The following RSU1 variants were observed in gnomAD, a reference collection of about 807,000 sequenced individuals.
RSU1 encodes rsu-1.
RSU1 carries 26 observed loss-of-function variants against 31.1 expected under a neutral mutation model. That is an observed-to-expected ratio of 0.84 (90% confidence interval 0.61 to 1.16). The LOEUF is 1.16. RSU1 is among the 50% of genes most tolerant of loss of function. The pLI, the probability that RSU1 is intolerant of heterozygous loss-of-function variation, is 0.00. For missense variants in RSU1, 320 were observed against 339.1 expected, an observed-to-expected ratio of 0.94 and a Z score of 0.44; for synonymous variants, 164 against 136.3, an observed-to-expected ratio of 1.20 and a Z score of -1.41.
intron 8 of RSU1, among the ~76,000 whole-genome samples, chr10:16,607,503 T>C (rs370810282): frequency 3.3e-5 from 5 of 152,216 alleles, no homozygotes; most frequent in East Asian, 1.9e-4. Context: ...GCAGGGTGAT[T>C]TGCATTTCCC....
chr10:16,623,025 A>G (rs1411764402), intron 8 of RSU1, among the ~76,000 whole-genome samples: 1 of 152,168 alleles, frequency 6.6e-6, no homozygotes, highest in Admixed American at 6.5e-5. Context: ...GTACATTCTA[A>G]TCTTTTTTTT....
intron 2 of RSU1, among the ~76,000 whole-genome samples, chr10:16,808,038 AAAG>A (rs1299058414): frequency 6.6e-6 from 1 of 151,750 alleles, no homozygotes. Context: ...AAAAAAAAAA[AAAG>A]AATTCTGAAA....
At chr10:16,781,108 C>T (rs1227506057) in intron 3 of RSU1, among the ~76,000 whole-genome samples, 1 of 152,116 alleles carries the variant, frequency 6.6e-6, no homozygotes, top group Non-Finnish European at 1.5e-5. Context: ...TCACTGGACT[C>T]GGAAAGCTCC....
chr10:16,791,374 C>T (rs1044880001), intron 2 of RSU1, among the ~76,000 whole-genome samples: 2 of 152,026 alleles, frequency 1.3e-5, no homozygotes, highest in African/African-American at 4.8e-5. Context: ...TGGCTCATGC[C>T]TGTAATCCCA....
chr10:16,640,353 A>AT (rs1401295119), intron 8 of RSU1, among the ~76,000 whole-genome samples: 3 of 152,044 alleles, frequency 2.0e-5, no homozygotes, highest in Non-Finnish European at 4.4e-5. Flanking sequence ...CCTCTTCATC[A>AT]TCCCCCTGGT....
At position 16,691,297 on chromosome 10, in the gene RSU1, T is replaced by C. The variant is rs143456150; in HGVS notation, c.731+3726A>G. 5.8e-3 allele frequency among the ~76,000 whole-genome samples: 884 copies of C among 152,030 alleles called. 22 individuals carry two copies. Among genetic ancestry groups the C allele is most frequent in the East Asian group, 0.035 (184 of 5,186 alleles). Reference sequence around the variant, plus strand: ...GAGGATATACTTAATATAATACAGATCTATTCATATAAAGGAGGCCCTTAA... The same window carrying C: ...GAGGATATACTTAATATAATACAGACCTATTCATATAAAGGAGGCCCTTAA... On this transcript the variant is annotated intron_variant, in intron 8 of 8. Coordinates refer to ENST00000345264, the MANE Select transcript of RSU1 (RefSeq NM_012425.4).
chr10:16,760,728 T>C (rs1011648112), intron 4 of RSU1, among the ~76,000 whole-genome samples: 1 of 152,072 alleles, frequency 6.6e-6, no homozygotes, highest in African/African-American at 2.4e-5. Context: ...CGCCTGTATA[T>C]TTTTCATATA....
chr10:16,611,030 C>T (rs971541677), intron 8 of RSU1, among the ~76,000 whole-genome samples: 6 of 152,204 alleles, frequency 3.9e-5, no homozygotes, highest in African/African-American at 1.4e-4. Flanking sequence ...CAGTCCTTCT[C>T]TTCCCCCAAA....
At chr10:16,656,551 T>G (rs990902001) in intron 8 of RSU1, among the ~76,000 whole-genome samples, 1 of 152,250 alleles carries the variant, frequency 6.6e-6, no homozygotes, top group Admixed American at 6.5e-5. Context: ...AACCAGGGCC[T>G]GCAAAGTGAG....
At chr10:16,673,078 GCTC>G (rs1835143456) in intron 8 of RSU1, among the ~76,000 whole-genome samples, 1 of 152,160 alleles carries the variant, frequency 6.6e-6, no homozygotes, top group Non-Finnish European at 1.5e-5. Flanking sequence ...GGCTACACCT[GCTC>G]CTCATTAAAA....
At chr10:16,774,637 A>G (rs1588526494) in intron 3 of RSU1, among the ~76,000 whole-genome samples, 1 of 152,172 alleles carries the variant, frequency 6.6e-6, no homozygotes. Flanking sequence ...TGTTATCTTC[A>G]TCCGATTCTG....
At chr10:16,777,514 C>G (rs1837558371) in intron 3 of RSU1, among the ~76,000 whole-genome samples, 1 of 152,104 alleles carries the variant, frequency 6.6e-6, no homozygotes, top group African/African-American at 2.4e-5. Flanking sequence ...TAGCAACATG[C>G]CCTGTGGTGC....
chr10:16,726,500 C>T (rs1257299968), intron 7 of RSU1, among the ~76,000 whole-genome samples: 1 of 151,970 alleles, frequency 6.6e-6, no homozygotes, highest in African/African-American at 2.4e-5. Context: ...ATCTTGACCT[C>T]GTGATCCACC....
intron 2 of RSU1, among the ~76,000 whole-genome samples, chr10:16,805,382 C>CT (rs552284724): frequency 2.6e-5 from 4 of 152,158 alleles, no homozygotes; most frequent in East Asian, 1.9e-4. Context: ...AAAAAATAGC[C>CT]TTTTTTTGGC....
chr10:16,743,786 G>T (rs1241758237), intron 7 of RSU1, among the ~76,000 whole-genome samples: 1 of 152,136 alleles, frequency 6.6e-6, no homozygotes, highest in Non-Finnish European at 1.5e-5. Flanking sequence ...TTTGGAGTCT[G>T]CTTATTCTAG....
At position 16,631,756 on chromosome 10, in the gene RSU1, C is replaced by T. The variant is rs540977534; in HGVS notation, c.732-38260G>A. On this transcript the variant is annotated intron_variant, in intron 8 of 8. Transcript: ENST00000345264. ...ACAGCACATGGTAGGCCCAGGACTCCTTCCTTGCCCCAACTTCTTTGTCCC... is the reference window on the plus strand; with the variant it reads ...ACAGCACATGGTAGGCCCAGGACTCTTTCCTTGCCCCAACTTCTTTGTCCC... Among the ~76,000 whole-genome samples the T allele has an allele frequency of 1.6e-4, 25 of 152,330 alleles. No individual in the cohort carries two copies. The South Asian group carries it at 4.8e-3, about 29-fold the overall frequency.
At chr10:16,625,201 T>C (rs997089233) in intron 8 of RSU1, among the ~76,000 whole-genome samples, 1 of 152,186 alleles carries the variant, frequency 6.6e-6, no homozygotes, top group Non-Finnish European at 1.5e-5. Flanking sequence ...AAGCCTTCTC[T>C]TGTCCTGCTC....
chr10:16,616,257 G>A (rs552162101), intron 8 of RSU1, among the ~76,000 whole-genome samples: 123 of 151,242 alleles, frequency 8.1e-4, no homozygotes, highest in African/African-American at 2.7e-3. Context: ...TAGAAGAAAC[G>A]GATAAATTCC....
intron 7 of RSU1, among the ~76,000 whole-genome samples, chr10:16,746,780 T>C (rs755010826): frequency 7.3e-5 from 11 of 150,456 alleles, no homozygotes; most frequent in Non-Finnish European, 1.5e-4. Flanking sequence ...TCCTCTCTAC[T>C]AATTAATTCT....
Sources: allele counts gnomAD v4.1 joint callset (sites outside exome capture counted in the v4.1 genomes callset), GRCh38; gene constraint gnomAD v4.1.1; transcripts MANE v1.5; gene names NCBI Gene and HGNC (gene_info 2026-07-23, HGNC 2026-07-21).